The following KCNMA1 variants were observed in gnomAD, a reference collection of about 807,000 sequenced individuals.
The protein encoded by KCNMA1 is potassium calcium-activated channel subfamily M alpha 1.
Under a neutral mutation model 140.0 loss-of-function variants are expected in KCNMA1, and 29 were observed. That is an observed-to-expected ratio of 0.21 (90% CI 0.15 to 0.28). The LOEUF (loss-of-function observed/expected upper bound fraction) is 0.28. Ranked by LOEUF, KCNMA1 falls within the 10% of genes least tolerant of loss-of-function variation. KCNMA1 has a pLI of 1.00. For missense variants in KCNMA1, 880 were observed against 1,602.2 expected, an observed-to-expected ratio of 0.55 and a Z score of 7.70; for synonymous variants, 612 against 611.9, an observed-to-expected ratio of 1.00 and a Z score of 0.00.
intron 2 of KCNMA1, chr10:77,350,509 A>G (rs1246733526): frequency 6.6e-6 from 1 of 152,214 alleles, no homozygotes; most frequent in African/African-American, 2.4e-5. Flanking sequence ...AGAATCTCTG[A>G]GTGGAGCACA....
chr10:77,577,299 C>A lies in KCNMA1; in HGVS notation c.378+59966G>T, dbSNP rs528909838. Among the ~76,000 whole-genome samples the A allele has an allele frequency of 4.3e-4, 65 of 152,244 alleles. No individual in the cohort carries two copies. The South Asian group carries it at 0.013, about 31-fold the overall frequency. The stretch of plus-strand genomic sequence containing the variant: ...TCCTGACCTTGTGATCCACTCGCCT[C>A]GGCCTCCCAAAGTGCTGGGATTGCA... On this transcript the variant is annotated intron_variant, in intron 1 of 27. Transcript: ENST00000286628.
intron 13 of KCNMA1, among the ~76,000 whole-genome samples, chr10:77,078,435 G>T (rs1465747248): frequency 1.3e-5 from 2 of 152,202 alleles, no homozygotes; most frequent in Admixed American, 6.5e-5. Context: ...TAATCACAGG[G>T]AAACAGCATA....
chr10:77,184,215 CTTTTG>C (rs1424773629), intron 4 of KCNMA1, among the ~76,000 whole-genome samples: 3 of 151,888 alleles, frequency 2.0e-5, no homozygotes, highest in South Asian at 2.1e-4. Context: ...TTTCTATTTA[CTTTTG>C]TTTTGTTTTA....
At chr10:77,138,038 G>T (rs2098085469) in intron 5 of KCNMA1, among the ~76,000 whole-genome samples, 1 of 152,104 alleles carries the variant, frequency 6.6e-6, no homozygotes, top group African/African-American at 2.4e-5. Context: ...AACATCAGTT[G>T]ATATTCAGAC....
chr10:77,193,635 T>C (rs1399546762), intron 3 of KCNMA1, among the ~76,000 whole-genome samples: 1 of 152,102 alleles, frequency 6.6e-6, no homozygotes, highest in Non-Finnish European at 1.5e-5. Flanking sequence ...TATGGAGTGG[T>C]TCATGTGGGT....
At chr10:77,019,836 G>A (rs958119718) in intron 16 of KCNMA1, 2 of 152,064 alleles carry the variant, frequency 1.3e-5, no homozygotes, top group Non-Finnish European at 2.9e-5. Flanking sequence ...GAAAACAAAT[G>A]CAAACCTCCC....
intron 2 of KCNMA1, among the ~76,000 whole-genome samples, chr10:77,288,858 A>T (rs1161518852): frequency 1.3e-5 from 2 of 152,226 alleles, no homozygotes; most frequent in African/African-American, 4.8e-5. Context: ...GTGGAGTTTC[A>T]TAACATAACC....
At chr10:77,476,481 C>T (rs960864738) in intron 1 of KCNMA1, among the ~76,000 whole-genome samples, 2 of 152,286 alleles carry the variant, frequency 1.3e-5, no homozygotes, top group South Asian at 2.1e-4. Flanking sequence ...CTCTGCTGCT[C>T]GGTCAGGGCC....
intron 23 of KCNMA1, chr10:76,930,232 T>G (rs1233451934): frequency 6.6e-6 from 1 of 152,046 alleles, no homozygotes; most frequent in Admixed American, 6.5e-5. Context: ...ACCTAGCCAA[T>G]AAAGGGTTAA....
intron 14 of KCNMA1, among the ~76,000 whole-genome samples, chr10:77,053,943 G>A (rs536556138): frequency 1.2e-4 from 18 of 152,128 alleles, no homozygotes; most frequent in African/African-American, 4.1e-4. Context: ...AGCAAATCGC[G>A]TCCTAATCAG....
At chr10:77,085,103 G>T (rs116470012) in intron 11 of KCNMA1, among the ~76,000 whole-genome samples, 6 of 152,280 alleles carry the variant, frequency 3.9e-5, no homozygotes, top group African/African-American at 1.4e-4. Context: ...GGAGGTGGGT[G>T]GGTTAAATCC....
chr10:77,340,532 TA>T (rs1251204682), intron 2 of KCNMA1, among the ~76,000 whole-genome samples: 5 of 151,858 alleles, frequency 3.3e-5, no homozygotes, highest in African/African-American at 4.8e-5. Context: ...TATGCAGCCA[TA>T]AAAAAAGGAT....
At chr10:77,252,880 T>TAA (rs59715001) in intron 2 of KCNMA1, among the ~76,000 whole-genome samples, 1 of 146,238 alleles carries the variant, frequency 6.8e-6, no homozygotes, top group African/African-American at 2.5e-5. Context: ...TTCTGCCATT[T>TAA]AAAAAAAAAA....
At chr10:77,437,968 G>A (rs2097298802) in intron 1 of KCNMA1, among the ~76,000 whole-genome samples, 1 of 152,190 alleles carries the variant, frequency 6.6e-6, no homozygotes, top group Non-Finnish European at 1.5e-5. Context: ...GGCCAAGGGT[G>A]CAGCTGCTAC....
intron 1 of KCNMA1, among the ~76,000 whole-genome samples, chr10:77,546,421 C>G (rs2061475574): frequency 6.6e-6 from 1 of 150,572 alleles, no homozygotes; most frequent in Admixed American, 6.7e-5. Flanking sequence ...CCACCCAGCA[C>G]AGATATAGGG....
At chr10:77,174,179 A>G (rs2098733305) in intron 5 of KCNMA1, among the ~76,000 whole-genome samples, 1 of 152,054 alleles carries the variant, frequency 6.6e-6, no homozygotes, top group African/African-American at 2.4e-5. Context: ...TGGCCTACTG[A>G]GTCCTTAAGT....
rs143172191 is a variant in KCNMA1, at chr10:77,450,677, C to T, written c.379-46654G>A. 6.3e-3 allele frequency among the ~76,000 whole-genome samples: 965 copies of T among 152,222 alleles called. 5 individuals carry two copies. Among genetic ancestry groups the T allele is most frequent in the Non-Finnish European group, 1.0e-2 (679 of 68,022 alleles). On this transcript the variant is annotated intron_variant, in intron 1 of 27. Transcript: ENST00000286628. The stretch of plus-strand genomic sequence containing the variant: ...CTAATAAGAGTTTGGGTTTCACCAC[C>T]AGTCATGTCCAGCCTCAGACCCACC...
chr10:77,551,533 C>A (rs1038037320), intron 1 of KCNMA1, among the ~76,000 whole-genome samples: 1 of 152,214 alleles, frequency 6.6e-6, no homozygotes, highest in Non-Finnish European at 1.5e-5. Context: ...ATGCTCTTTC[C>A]ACCTCCAATC....
intron 23 of KCNMA1, among the ~76,000 whole-genome samples, chr10:76,941,663 G>A (rs1201669498): frequency 2.0e-5 from 3 of 152,216 alleles, no homozygotes; most frequent in African/African-American, 7.2e-5. Flanking sequence ...GCTAGTGAGA[G>A]ACAGATGCTC....
Sources: allele counts gnomAD v4.1 joint callset (sites outside exome capture counted in the v4.1 genomes callset), GRCh38; gene constraint gnomAD v4.1.1; transcripts MANE v1.5; gene names NCBI Gene and HGNC (gene_info 2026-07-23, HGNC 2026-07-21).